The following SEC24B variants were observed in gnomAD, a reference collection of about 807,000 sequenced individuals.
The protein encoded by SEC24B is SEC24 homolog B, COPII component, also known as protein transport protein Sec24B.
SEC24B carries 45 observed loss-of-function variants against 142.8 expected under a neutral mutation model. The observed-to-expected ratio is 0.32, with a 90% CI of 0.25 to 0.40. SEC24B has a LOEUF of 0.40. SEC24B is among the 10% of genes least tolerant of loss of function. The probability of loss-of-function intolerance (pLI) is 1.00; values close to 1 mark genes in which losing one functional copy is unlikely to be tolerated. For missense variants in SEC24B, 1,409 were observed against 1,526.8 expected (o/e 0.92, Z 1.29); for synonymous variants, 574 against 568.2 (o/e 1.01, Z -0.15).
intron 2 of SEC24B, among the ~76,000 whole-genome samples, chr4:109,467,280 C>A (rs992732387): frequency 6.9e-6 from 1 of 145,922 alleles, no homozygotes; most frequent in Non-Finnish European, 1.5e-5. Flanking sequence ...GAGCCGAGAT[C>A]GCGCCACTGC....
intron 6 of SEC24B, among the ~76,000 whole-genome samples, chr4:109,504,186 AG>A (rs1439562623): frequency 6.6e-6 from 1 of 152,204 alleles, no homozygotes; most frequent in Non-Finnish European, 1.5e-5. Context: ...TTTTAAAATT[AG>A]GGAGGTGGAC....
intron 4 of SEC24B, among the ~76,000 whole-genome samples, 193 bp from the exon 5 acceptor site, chr4:109,491,133 CT>C (rs1282659456): frequency 6.6e-6 from 1 of 152,148 alleles, no homozygotes; most frequent in African/African-American, 2.4e-5. Flanking sequence ...TTCATATTCT[CT>C]CCACTCTCAT....
intron 5 of SEC24B, among the ~76,000 whole-genome samples, chr4:109,492,680 A>G (rs900238990): frequency 6.6e-6 from 1 of 152,226 alleles, no homozygotes; most frequent in Admixed American, 6.5e-5. Flanking sequence ...ACTATATGTC[A>G]GGTACTAGAA....
At chr4:109,445,051 G>A (rs1463021467) in intron 1 of SEC24B, among the ~76,000 whole-genome samples, 1 of 151,990 alleles carries the variant, frequency 6.6e-6, no homozygotes, top group Non-Finnish European at 1.5e-5. Flanking sequence ...AGCCTCTTGA[G>A]TAGCTGGGAC....
intron 3 of SEC24B, among the ~76,000 whole-genome samples, chr4:109,478,609 G>T (rs115179339): frequency 6.6e-6 from 1 of 152,154 alleles, no homozygotes; most frequent in Middle Eastern, 3.2e-3. Flanking sequence ...CAGTAGTTAA[G>T]TGATAGAACC....
rs115782027 is a variant in SEC24B, at chr4:109,493,211, C to G, written c.1247-1404C>G. Among the ~76,000 whole-genome samples the G allele has an allele frequency of 6.6e-3, 991 of 151,134 alleles. 13 individuals carry two copies. Among genetic ancestry groups the G allele is most frequent in the African/African-American group, 0.023 (941 of 41,030 alleles). ...TAAGCTGATCCTTGCCTAATCAGCA[C>G]AAGATGATAGCAGAATGTCTAGGAG... On this transcript the variant is annotated intron_variant, in intron 5 of 23. Coordinates refer to ENST00000265175, the MANE Select transcript of SEC24B (RefSeq NM_006323.5).
At chr4:109,473,775 AGTTTTTGTTTTT>A (rs886552539) in intron 3 of SEC24B, among the ~76,000 whole-genome samples, 1 of 152,120 alleles carries the variant, frequency 6.6e-6, no homozygotes, top group African/African-American at 2.4e-5. Context: ...TTCTTTTGGC[AGTTTTTGTTTTT>A]GTTTTTGTTT....
chr4:109,434,066 A>C, intron 1 of SEC24B, 64 bp downstream of exon 1: 1 of 992,364 alleles, frequency 1.0e-6, no homozygotes, highest in Non-Finnish European at 1.2e-6. Context: ...GCACGGCCAC[A>C]TCGGGGCGGG....
intron 14 of SEC24B, among the ~76,000 whole-genome samples, chr4:109,523,502 A>G (rs1426121328): frequency 6.6e-6 from 1 of 151,958 alleles, no homozygotes; most frequent in African/African-American, 2.4e-5. Context: ...TAATAATAAC[A>G]ATGAAAGGAA....
chr4:109,462,703 G>A (rs745871229), intron 1 of SEC24B, among the ~76,000 whole-genome samples, 198 bp from the exon 2 acceptor site: 2 of 152,150 alleles, frequency 1.3e-5, no homozygotes, highest in African/African-American at 4.8e-5. Context: ...GGACTACAAG[G>A]GTGTGAATAA....
rs571227625 is a variant in SEC24B at position 109,446,519 on chromosome 4, T to C, written c.133+12517T>C. On this transcript the variant is annotated intron_variant, in intron 1 of 23. Transcript: ENST00000265175. ...TTTGTGTTGTTGTAAACACTGACTT[T>C]GTTGTACTTTGTTATAGTAGCAGCA... is the stretch of plus-strand genomic sequence containing the variant. Among the ~76,000 whole-genome samples the C allele has an allele frequency of 3.9e-5, 6 of 152,272 alleles. No individual in the cohort carries two copies. In the South Asian group the frequency reaches 1.0e-3, roughly 26 times the overall value.
chr4:109,508,654 A>G (rs1421899054), intron 7 of SEC24B, among the ~76,000 whole-genome samples: 1 of 152,200 alleles, frequency 6.6e-6, no homozygotes, highest in Non-Finnish European at 1.5e-5. Flanking sequence ...TTTTCTACCC[A>G]GTTATGTGTG....
chr4:109,504,113 C>G (rs1736451691), intron 6 of SEC24B, among the ~76,000 whole-genome samples: 1 of 152,068 alleles, frequency 6.6e-6, no homozygotes, highest in Non-Finnish European at 1.5e-5. Flanking sequence ...CAACATTTTG[C>G]TATATTTGTT....
chr4:109,474,999 G>A (rs1230729576), intron 3 of SEC24B, among the ~76,000 whole-genome samples: 1 of 152,108 alleles, frequency 6.6e-6, no homozygotes, highest in Non-Finnish European at 1.5e-5. Flanking sequence ...CAGAGGTTAG[G>A]TAACTTGCCC....
intron 12 of SEC24B, among the ~76,000 whole-genome samples, chr4:109,520,884 C>CTG (rs1561171066): frequency 6.6e-6 from 1 of 152,094 alleles, no homozygotes; most frequent in Admixed American, 6.6e-5. Flanking sequence ...CCCAGCTACT[C>CTG]AGGAGGCTGA....
intron 1 of SEC24B, among the ~76,000 whole-genome samples, chr4:109,455,601 T>G (rs1243540836): frequency 2.0e-5 from 3 of 152,210 alleles, no homozygotes; most frequent in Admixed American, 2.0e-4. Flanking sequence ...GGTTCTTTTC[T>G]TTTTTTCACA....
intron 4 of SEC24B, among the ~76,000 whole-genome samples, chr4:109,486,837 A>G (rs1283958607): frequency 6.6e-6 from 1 of 152,194 alleles, no homozygotes; most frequent in Admixed American, 6.5e-5. Context: ...GTATAATATG[A>G]TAGGGAAACA....
intron 4 of SEC24B, among the ~76,000 whole-genome samples, chr4:109,490,430 A>G (rs1053435206): frequency 6.6e-6 from 1 of 152,142 alleles, no homozygotes; most frequent in Non-Finnish European, 1.5e-5. Context: ...TAATACTGGT[A>G]TTAATAGCAA....
At chr4:109,477,241 T>C (rs1013282988) in intron 3 of SEC24B, among the ~76,000 whole-genome samples, 2 of 151,492 alleles carry the variant, frequency 1.3e-5, no homozygotes, top group African/African-American at 4.8e-5. Context: ...CTTGTTTTAC[T>C]CTATCAGCAG....
Sources: allele counts gnomAD v4.1 joint callset (sites outside exome capture counted in the v4.1 genomes callset), GRCh38; gene constraint gnomAD v4.1.1; transcripts MANE v1.5; gene names NCBI Gene and HGNC (gene_info 2026-07-23, HGNC 2026-07-21).